TMLHE: variants seen among roughly 807,000 people sequenced by gnomAD.
The protein encoded by TMLHE is trimethyllysine dioxygenase, mitochondrial.
In TMLHE, 18 loss-of-function variants were observed where a neutral mutation model predicts 25.7. The ratio of observed to expected loss-of-function variants is 0.70; its 90% CI spans 0.48 to 1.04. The LOEUF is 1.04. Ranked by LOEUF, TMLHE falls within the 50% of genes least tolerant of loss-of-function variation. TMLHE has a pLI of 0.00. For synonymous variants in TMLHE, 105 were observed against 97.0 expected (o/e 1.08, Z -0.49); for missense variants, 236 against 259.0 (o/e 0.91, Z 0.61).
chrX:155,581,011 G>A (rs1003719718), intron 1 of TMLHE, among the ~76,000 whole-genome samples: 2 of 111,831 alleles, frequency 1.8e-5, no homozygotes, highest in Non-Finnish European at 3.8e-5. Flanking sequence ...ATGCAAGGCT[G>A]GTTCGACATA....
Position 155,529,599 on chromosome X carries a change from G to A in TMLHE, c.182-4967C>T, listed in dbSNP as rs939605509. 2.7e-5 allele frequency among the ~76,000 whole-genome samples: 3 copies of A among 111,183 alleles called. No individual in the cohort carries two copies. In the East Asian group the frequency reaches 8.5e-4, roughly 32 times the overall value. ...TTGATTTGTATTTCTCTTATAATTA[G>A]TGATGTTGAGCATCTTTTCATATAC... On this transcript the variant is annotated intron_variant, in intron 2 of 7. Coordinates refer to ENST00000334398, the MANE Select transcript of TMLHE (RefSeq NM_018196.4).
intron 1 of TMLHE, among the ~76,000 whole-genome samples, chrX:155,568,168 C>T (rs1179787507): frequency 1.6e-5 from 1 of 61,486 alleles, no homozygotes; most frequent in African/African-American, 3.6e-5. Flanking sequence ...GAAAAAACGG[C>T]GCACCAGGAG....
intron 2 of TMLHE, among the ~76,000 whole-genome samples, chrX:155,528,998 C>G (rs1045746586): frequency 3.6e-5 from 4 of 112,059 alleles, no homozygotes; most frequent in Admixed American, 9.4e-5. Context: ...GCTGAATAAA[C>G]TGTGGTTTAT....
chrX:155,542,110 G>A (rs1278159964), intron 2 of TMLHE, among the ~76,000 whole-genome samples: 4 of 111,151 alleles, frequency 3.6e-5, no homozygotes, highest in African/African-American at 1.3e-4. Context: ...TAGTCATGAA[G>A]TCTTTGCCCA....
At chrX:155,560,838 T>A (rs1170007309) in intron 1 of TMLHE, among the ~76,000 whole-genome samples, 1 of 61,819 alleles carries the variant, frequency 1.6e-5, no homozygotes, top group East Asian at 7.1e-4. Context: ...ATAGAAATGA[T>A]GAACCATTGT....
At chrX:155,600,026 A>G (rs1413755242) in intron 1 of TMLHE, among the ~76,000 whole-genome samples, 1 of 111,790 alleles carries the variant, frequency 8.9e-6, no homozygotes, top group Non-Finnish European at 1.9e-5. Context: ...CCTGTTTATA[A>G]TTACCAGAGG....
intron 1 of TMLHE, among the ~76,000 whole-genome samples, chrX:155,563,845 C>G (rs186998510): frequency 0.014 from 842 of 61,718 alleles, 97 homozygotes; most frequent in African/African-American, 0.028. Flanking sequence ...TTCTTCAATG[C>G]ACTTATTACA....
chrX:155,533,377 ACG>A (rs1249896139), intron 2 of TMLHE, among the ~76,000 whole-genome samples: 1 of 57,037 alleles, frequency 1.8e-5, no homozygotes, highest in Non-Finnish European at 4.1e-5. Flanking sequence ...ACACGTGCAC[ACG>A]CACACACACA....
chrX:155,547,234 TC>T (rs1185593931), intron 1 of TMLHE, among the ~76,000 whole-genome samples: 3 of 91,330 alleles, frequency 3.3e-5, no homozygotes, highest in Non-Finnish European at 4.5e-5. Context: ...AAGCTCCGCC[TC>T]CCGGGTTCAC....
At chrX:155,559,873 ATCT>A (rs1437433674) in intron 1 of TMLHE, among the ~76,000 whole-genome samples, 1 of 112,031 alleles carries the variant, frequency 8.9e-6, no homozygotes, top group East Asian at 2.8e-4. Flanking sequence ...TGCCAGATTA[ATCT>A]TCTTAAAACA....
intron 1 of TMLHE, among the ~76,000 whole-genome samples, chrX:155,568,827 C>G (rs2067526303): frequency 1.6e-5 from 1 of 60,962 alleles, no homozygotes; most frequent in South Asian, 9.6e-4. Context: ...CACCAAAAAC[C>G]CATCTGTACA....
At chrX:155,530,006 A>G (rs2067240513) in intron 2 of TMLHE, among the ~76,000 whole-genome samples, 1 of 111,769 alleles carries the variant, frequency 8.9e-6, no homozygotes, top group African/African-American at 3.3e-5. Flanking sequence ...TAAGTCTTTT[A>G]TCCATTTTGA....
At chrX:155,548,657 C>A (rs1187297939) in intron 1 of TMLHE, among the ~76,000 whole-genome samples, 2 of 108,702 alleles carry the variant, frequency 1.8e-5, no homozygotes, top group African/African-American at 3.4e-5. Context: ...ATCGCTTGAA[C>A]CCAGGAGGCA....
At chrX:155,559,570 T>A (rs2067480698) in intron 1 of TMLHE, among the ~76,000 whole-genome samples, 2 of 111,832 alleles carry the variant, frequency 1.8e-5, no homozygotes, top group Non-Finnish European at 3.8e-5. Flanking sequence ...AACAGAAACT[T>A]TTGGAGATCA....
intron 1 of TMLHE, among the ~76,000 whole-genome samples, chrX:155,591,390 A>G (rs1259353882): frequency 1.8e-5 from 2 of 111,969 alleles, no homozygotes; most frequent in African/African-American, 3.2e-5. Flanking sequence ...TTTTAAGCAC[A>G]CATGTAACTT....
chrX:155,557,358 C>T (rs1226123242), intron 1 of TMLHE, among the ~76,000 whole-genome samples: 2 of 112,292 alleles, frequency 1.8e-5, no homozygotes, highest in Non-Finnish European at 3.8e-5. Context: ...TCTGTCATGG[C>T]TTCAGCCGGT....
In TMLHE at chrX:155,608,369, AAGGCGTC is replaced by A. The variant is rs148391289; in HGVS notation, c.-2+4416_-2+4422del. 6.3e-3 allele frequency among the ~76,000 whole-genome samples: 701 copies of A among 110,485 alleles called. 3 individuals are homozygous for A. Among genetic ancestry groups the A allele is most frequent in the African/African-American group, 0.021 (643 of 30,357 alleles). On this transcript the variant is annotated intron_variant, in intron 1 of 7. Transcript: ENST00000334398. Reference sequence around the variant, plus strand: ...GCTGTGTGCAGAAGATAGAAACCAGAAGGCGTCTGCCTTCTTTACACCATATACAAAA... The same window carrying A: ...GCTGTGTGCAGAAGATAGAAACCAGATGCCTTCTTTACACCATATACAAAA...
chrX:155,508,671 G>C (rs1416235145), intron 5 of TMLHE, among the ~76,000 whole-genome samples: 1 of 110,691 alleles, frequency 9.0e-6, no homozygotes, highest in Non-Finnish European at 1.9e-5. Flanking sequence ...GAATATTTAA[G>C]AAATTTAGTA....
intron 2 of TMLHE, among the ~76,000 whole-genome samples, chrX:155,530,311 C>T (rs1444221882): frequency 9.0e-6 from 1 of 110,787 alleles, no homozygotes; most frequent in South Asian, 3.8e-4. Context: ...GTGAAATAAA[C>T]CAGATACAGA....
Sources: allele counts gnomAD v4.1 joint callset (sites outside exome capture counted in the v4.1 genomes callset), GRCh38; gene constraint gnomAD v4.1.1; transcripts MANE v1.5; gene names NCBI Gene and HGNC (gene_info 2026-07-23, HGNC 2026-07-21).